Variants in RTL4 observed in about 807,000 individuals in gnomAD.
RTL4 encodes retrotransposon Gag-like protein 4.
A neutral mutation model predicts 5.3 loss-of-function variants in RTL4; 4 were observed. The observed-to-expected ratio is 0.75, with a 90% CI of 0.37 to 1.72. RTL4 has a LOEUF of 1.72. Among genes scored for constraint, RTL4 ranks in the 40% most tolerant of loss-of-function variants. The pLI is 0.04. For missense variants in RTL4, 260 were observed against 227.1 expected (o/e 1.14, Z -0.93); for synonymous variants, 98 against 87.3 (o/e 1.12, Z -0.68).
chrX:112,147,654 C>T, the RTL4 span, among the ~76,000 whole-genome samples: 1 of 112,233 alleles, frequency 8.9e-6, no homozygotes, highest in Non-Finnish European at 1.9e-5. Flanking sequence ...TCAAATGGCT[C>T]TGGCCTGGGT....
chrX:112,270,696 G>A, the RTL4 span, among the ~76,000 whole-genome samples: 1 of 111,124 alleles, frequency 9.0e-6, no homozygotes, highest in African/African-American at 3.3e-5. Flanking sequence ...ACGGAAATGG[G>A]TTGACAATTA....
the RTL4 span, among the ~76,000 whole-genome samples, chrX:112,087,586 C>A: frequency 1.8e-5 from 2 of 111,645 alleles, no homozygotes; most frequent in Non-Finnish European, 3.8e-5. Context: ...TGATCAAAGA[C>A]ACAAGTCCTT....
chrX:112,257,161 C>T, the RTL4 span, among the ~76,000 whole-genome samples: 1 of 111,525 alleles, frequency 9.0e-6, no homozygotes, highest in Non-Finnish European at 1.9e-5. Flanking sequence ...ACTTTTTATT[C>T]TGTTTTCTAG....
At chrX:112,157,242 A>C in the RTL4 span, among the ~76,000 whole-genome samples, 1 of 110,946 alleles carries the variant, frequency 9.0e-6, no homozygotes, top group Non-Finnish European at 1.9e-5. Flanking sequence ...AAACTTGATT[A>C]TTTTCTCCCC....
chrX:112,090,271 C>T, the RTL4 span, among the ~76,000 whole-genome samples: 1 of 110,494 alleles, frequency 9.1e-6, no homozygotes, highest in Non-Finnish European at 1.9e-5. Flanking sequence ...GATAGAACTT[C>T]CAGTACCATG....
At chrX:112,100,266 G>A in the RTL4 span, among the ~76,000 whole-genome samples, 1 of 112,029 alleles carries the variant, frequency 8.9e-6, no homozygotes. Flanking sequence ...GATTGCATCT[G>A]TTTGAAATTT....
At chrX:112,405,315 A>G in the RTL4 span, among the ~76,000 whole-genome samples, 1 of 112,089 alleles carries the variant, frequency 8.9e-6, no homozygotes, top group East Asian at 2.8e-4. Flanking sequence ...CATAGATCAG[A>G]AAAAAGCATC....
the RTL4 span, among the ~76,000 whole-genome samples, chrX:112,243,901 G>T: frequency 9.0e-6 from 1 of 111,664 alleles, no homozygotes; most frequent in South Asian, 3.8e-4. Context: ...TTGTGTCTTT[G>T]TTCTCAATGG....
At chrX:112,425,646 CTG>C in the RTL4 span, among the ~76,000 whole-genome samples, 1 of 111,671 alleles carries the variant, frequency 9.0e-6, no homozygotes, top group Non-Finnish European at 1.9e-5. Context: ...TAATAACTCA[CTG>C]TTATTTTAAT....
the RTL4 span, among the ~76,000 whole-genome samples, chrX:112,099,765 G>C: frequency 1.8e-5 from 2 of 111,496 alleles, no homozygotes; most frequent in Admixed American, 9.6e-5. Flanking sequence ...GATTGGTATA[G>C]TTTTACGGAG....
chrX:112,221,857 A>T, the RTL4 span, among the ~76,000 whole-genome samples: 2 of 112,591 alleles, frequency 1.8e-5, no homozygotes, highest in African/African-American at 6.5e-5. Flanking sequence ...AATTACTTTC[A>T]TTGTTTGGAT....
the RTL4 span, among the ~76,000 whole-genome samples, chrX:112,257,889 GTA>G: frequency 1.9e-4 from 19 of 101,845 alleles, no homozygotes; most frequent in East Asian, 9.0e-4. Context: ...ATATATATGT[GTA>G]TATATATATA....
the RTL4 span, among the ~76,000 whole-genome samples, chrX:112,390,472 T>C: frequency 9.3e-6 from 1 of 108,035 alleles, no homozygotes; most frequent in Non-Finnish European, 1.9e-5. Context: ...AAAAAATATA[T>C]CTTATAAGGC....
At chrX:112,307,052 CT>C in the RTL4 span, among the ~76,000 whole-genome samples, 1 of 111,777 alleles carries the variant, frequency 8.9e-6, no homozygotes, top group African/African-American at 3.3e-5. Flanking sequence ...CATGGGCCTA[CT>C]ATTCTCCACA....
the RTL4 span, among the ~76,000 whole-genome samples, chrX:112,116,062 C>T: frequency 3.6e-5 from 4 of 111,971 alleles, no homozygotes; most frequent in East Asian, 2.8e-4. Flanking sequence ...CTCCCAACTT[C>T]GAAGAGTCAG....
chrX:112,180,866 G>C, the RTL4 span, among the ~76,000 whole-genome samples: 1 of 112,301 alleles, frequency 8.9e-6, no homozygotes, highest in Non-Finnish European at 1.9e-5. Context: ...AACTCTATCA[G>C]AAATTTAATT....
chrX:112,251,231 A>T, the RTL4 span, among the ~76,000 whole-genome samples: 10 of 112,516 alleles, frequency 8.9e-5, no homozygotes, highest in Non-Finnish European at 1.9e-4. Context: ...AATGTAAAAG[A>T]TTATATTATT....
chrX:112,203,243 G>C, the RTL4 span, among the ~76,000 whole-genome samples: 1 of 111,368 alleles, frequency 9.0e-6, no homozygotes, highest in Non-Finnish European at 1.9e-5. Context: ...CAAAGAAAAA[G>C]TATTTAATTT....
At chrX:112,107,290 CTG>C in the RTL4 span, among the ~76,000 whole-genome samples, 6 of 111,651 alleles carry the variant, frequency 5.4e-5, no homozygotes, top group East Asian at 1.4e-3. Context: ...ATTTTTGTAA[CTG>C]TTATTATTTT....
Sources: allele counts gnomAD v4.1 joint callset (sites outside exome capture counted in the v4.1 genomes callset), GRCh38; gene constraint gnomAD v4.1.1; transcripts MANE v1.5; gene names NCBI Gene and HGNC (gene_info 2026-07-23, HGNC 2026-07-21).